Variants in CACNA1H observed in about 807,000 individuals in gnomAD.
The protein encoded by CACNA1H is voltage-dependent T-type calcium channel subunit alpha-1H.
Under a neutral mutation model 192.5 loss-of-function variants are expected in CACNA1H, and 149 were observed. The ratio of observed to expected loss-of-function variants is 0.77; its 90% CI spans 0.68 to 0.89. The LOEUF (loss-of-function observed/expected upper bound fraction) is 0.89, where lower values mean the gene tolerates loss of function less well. Ranked by LOEUF, CACNA1H falls within the 40% of genes least tolerant of loss-of-function variation. The pLI is 0.00. For missense variants in CACNA1H, 4,257 were observed against 3,423.5 expected (o/e 1.24, Z -6.08); for synonymous variants, 2,202 against 1,475.2 (o/e 1.49, Z -11.29).
chr16:1,202,600 C>T (rs1044522387), intron 9 of CACNA1H, 148 bp downstream of exon 9: 7 of 741,666 alleles, frequency 9.4e-6, no homozygotes, highest in African/African-American at 7.2e-5. Context: ...CCTCTGGAGC[C>T]CATAAGAAGG....
intron 25 of CACNA1H, 44 bp from the exon 26 acceptor site, chr16:1,212,467 T>A (rs756486884): frequency 6.3e-7 from 1 of 1,577,484 alleles, no homozygotes; most frequent in East Asian, 2.3e-5. Flanking sequence ...CAGGCCCGAG[T>A]GCGCCACGCC....
At position 1,200,424 on chromosome 16, in the gene CACNA1H, G is replaced by T; in HGVS notation, c.972G>T (p.Gln324His). The T allele has an allele frequency of 1.9e-6, 3 of 1,609,814 alleles. No homozygotes were observed. Among genetic ancestry groups the T allele is most frequent in the Non-Finnish European group, 2.5e-6 (3 of 1,179,276 alleles). ...CCCTGGGCTGGGAGGCCTACACGCAGCCGCAGGCCGAGGGGGTGGGCGCTG... is the reference window on the plus strand; with the variant it reads ...CCCTGGGCTGGGAGGCCTACACGCATCCGCAGGCCGAGGGGGTGGGCGCTG... The part of the protein sequence containing the change: ...PCTLGWEAYT[Q>H]PQAEGVGAAR... The change falls in exon 7 of 35, where the codon CAG becomes CAT. Residue 324 changes from glutamine (Q) to histidine (H), a missense_variant. Transcript: ENST00000348261.
chr16:1,200,562 C>T lies in CACNA1H; in HGVS notation c.1110C>T (p.Ala370=), dbSNP rs1037578858. Residue 370 remains alanine (A), a synonymous_variant, in exon 7 of 35, where the codon GCC becomes GCT. Transcript: ENST00000348261. ...NFDNIGYAWI[A]IFQVITLEGW... ...ACAACATCGGCTACGCCTGGATTGC[C>T]ATCTTCCAGGTGGGCGGCAAGATGG... 23 of 1,611,710 alleles carry T rather than the reference C, an allele frequency of 1.4e-5. No individual in the cohort carries two copies. Among genetic ancestry groups the T allele is most frequent in the Non-Finnish European group, 1.9e-5 (22 of 1,179,638 alleles).
chr16:1,184,622 T>C (rs1011741794), intron 2 of CACNA1H, among the ~76,000 whole-genome samples: 31 of 152,080 alleles, frequency 2.0e-4, no homozygotes, highest in African/African-American at 7.5e-4. Context: ...GGCTGGAGGG[T>C]GCCAGGAGTT....
At chr16:1,170,237 C>T (rs1964227054) in intron 2 of CACNA1H, among the ~76,000 whole-genome samples, 1 of 152,192 alleles carries the variant, frequency 6.6e-6, no homozygotes, top group Non-Finnish European at 1.5e-5. Context: ...CCTGTTCCCA[C>T]TCAGTGCAGA....
At position 1,215,366 on chromosome 16, in the gene CACNA1H, A is replaced by G. The variant is rs1487606695; in HGVS notation, c.5164A>G (p.Ile1722Val). 6.7e-7 allele frequency: 1 copy of G among 1,483,438 alleles called. No individual in the cohort carries two copies. The allele number at this position is 1,483,438 out of a possible 1,614,324, so 91.9% of individuals were successfully genotyped here. Residue 1722 changes from isoleucine to valine, a missense_variant, in exon 29 of 35, where the codon ATT (isoleucine) becomes GTT (valine). Ile to Val is a conservative substitution (Grantham distance 29). Transcript: ENST00000348261. ...CATCCGCATCATGCGCGTGCTTCGC[A>G]TTGCCCGTGGTAGGTGCCCGCGTGC... is the stretch of plus-strand genomic sequence containing the variant. ...TIIRIMRVLR[I>V]ARVLKLLKMA...
intron 30 of CACNA1H, among the ~76,000 whole-genome samples, 180 bp downstream of exon 30, chr16:1,215,773 G>A (rs566900777): frequency 6.6e-6 from 1 of 152,282 alleles, no homozygotes; most frequent in Admixed American, 6.5e-5. Context: ...GGTGGATCCA[G>A]CCGCTGCCCT....
At position 1,220,301 on chromosome 16, in the gene CACNA1H, T is replaced by C; in HGVS notation, c.6369T>C (p.Ser2123=). ...CCGAGCCCCATGGCCCCGAAGCCTC[T>C]CCGGTGGCCGGCGGCGAGCGGGACC... ...PTAEPHGPEA[S]PVAGGERDLR... The change falls in exon 35 of 35, where the codon TCT becomes TCC. Residue 2123 remains serine, a synonymous_variant. Transcript: ENST00000348261. 4 of 1,567,378 alleles carry C rather than the reference T, an allele frequency of 2.6e-6. No homozygotes were observed. The highest frequency in any genetic ancestry group is 3.4e-6 in the Non-Finnish European group (4 of 1,164,126).
chr16:1,192,322 T>G (rs34201093), intron 2 of CACNA1H, among the ~76,000 whole-genome samples: 1 of 152,028 alleles, frequency 6.6e-6, no homozygotes, highest in Non-Finnish European at 1.5e-5. Context: ...GAGGAGTTGC[T>G]AGGCACTGGG....
intron 30 of CACNA1H, among the ~76,000 whole-genome samples, chr16:1,216,432 C>G (rs1207720630): frequency 6.6e-6 from 1 of 151,192 alleles, no homozygotes; most frequent in South Asian, 2.1e-4. Context: ...AATGCTGGGG[C>G]TGGTGGGTGG....
In CACNA1H at chr16:1,206,260, G is replaced by T. The variant is rs776215729; in HGVS notation, c.2760G>T (p.Thr920=). 1.3e-4 allele frequency: 203 copies of T among 1,569,624 alleles called. 1 individual carries two copies. The highest frequency in any genetic ancestry group is 1.7e-4 in the Non-Finnish European group (195 of 1,158,520). Residue 920 remains threonine (T), a synonymous_variant, in exon 12 of 35, where the codon ACG becomes ACT. Transcript: ENST00000348261. ...TGGACAACGTGGCTACCTTCTGCAC[G>T]CTGCTCATGCTCTTCATTTTCATCT... The part of the protein sequence containing the change: ...KTMDNVATFC[T]LLMLFIFIFS...
chr16:1,220,352 T>C lies in CACNA1H; in HGVS notation c.6420T>C (p.Ala2140=), dbSNP rs1423569495. Residue 2140 remains alanine (A), a synonymous_variant, in exon 35 of 35, where the codon GCT becomes GCC. Coordinates refer to ENST00000348261, the MANE Select transcript of CACNA1H (RefSeq NM_021098.3). The part of the protein sequence containing the change: ...RDLRRLYSVD[A]QGFLDKPGRA... ...TGCGCAGGCTCTACAGCGTGGATGC[T>C]CAGGGCTTCCTGGACAAGCCGGGCC... The C allele has an allele frequency of 3.3e-6, 5 of 1,526,904 alleles. No homozygotes were observed. In the African/African-American group the frequency reaches 7.1e-5, roughly 22 times the overall value. 94.6% of individuals were successfully genotyped at this position (1,526,904 alleles called of 1,614,324 possible). A position where few individuals can be genotyped will look rare whatever the true frequency, so the allele number is the denominator to read the frequency against.
At chr16:1,212,657 G>A (rs1405148768) in intron 26 of CACNA1H, 129 bp downstream of exon 26, 4 of 1,126,642 alleles carry the variant, frequency 3.6e-6, no homozygotes, top group Non-Finnish European at 5.1e-6. Context: ...TGGGCGTGTG[G>A]CGTGAGGAGG....
Position 1,220,463 on chromosome 16 carries a change from C to T in CACNA1H, c.6531C>T (p.Pro2177=), listed in dbSNP as rs368284672. 8.3e-5 allele frequency: 128 copies of T among 1,545,398 alleles called. No individual in the cohort carries two copies. In the East Asian group the frequency reaches 1.0e-3, roughly 12 times the overall value. ...EAKAWGPEAE[P]ALGARRKKKM... Reference sequence around the variant, plus strand: ...AGGCCTGGGGCCCTGAGGCCGAGCCCGCTCTGGGTGCGCGCAGAAAGAAGA... The same window carrying T: ...AGGCCTGGGGCCCTGAGGCCGAGCCTGCTCTGGGTGCGCGCAGAAAGAAGA... Residue 2177 remains proline (P), a synonymous_variant, in exon 35 of 35, where the codon CCC becomes CCT. Coordinates refer to ENST00000348261, the MANE Select transcript of CACNA1H (RefSeq NM_021098.3).
At position 1,180,351 on chromosome 16, in the gene CACNA1H, CTG is replaced by C. The variant is rs1349307186; in HGVS notation, c.300-14620_300-14619del. Among the ~76,000 whole-genome samples, 1 of 152,206 alleles carries C rather than the reference CTG, an allele frequency of 6.6e-6. No homozygotes were observed. The highest frequency in any genetic ancestry group is 1.9e-4 in the East Asian group (1 of 5,192). On this transcript the variant is annotated intron_variant, in intron 2 of 34. Transcript: ENST00000348261. The surrounding 1 kb of genome is among the most constrained non-coding windows in gnomAD (Gnocchi z 4.4). ...TGGGCTGGGGAGGACGGTCCCATAG[CTG>C]GGGGCAGAGCAGGGCAGGCTGGGTG...
intron 2 of CACNA1H, among the ~76,000 whole-genome samples, chr16:1,158,472 G>C (rs769653959): frequency 6.6e-6 from 1 of 152,288 alleles, no homozygotes; most frequent in South Asian, 2.1e-4. Context: ...TCTGCCGAGC[G>C]CCTGTCGTAG....
chr16:1,200,917 A>C, intron 8 of CACNA1H, 109 bp downstream of exon 8: 1 of 518,310 alleles, frequency 1.9e-6, no homozygotes, highest in Non-Finnish European at 3.4e-6. Flanking sequence ...TTCCAGCTGA[A>C]GGGAGCACAC....
chr16:1,162,639 T>TTG (rs796638214), intron 2 of CACNA1H, among the ~76,000 whole-genome samples: 2,461 of 93,166 alleles, frequency 0.026, 96 homozygotes, highest in African/African-American at 0.084. Context: ...ACACCTGGAG[T>TTG]GGGGGGGGGG....
intron 6 of CACNA1H, among the ~76,000 whole-genome samples, chr16:1,199,901 C>T (rs1018492855): frequency 2.3e-4 from 35 of 152,094 alleles, no homozygotes; most frequent in African/African-American, 8.0e-4. Context: ...GCCTGGGTTT[C>T]TGGCTCTTGG....
Sources: gnomAD v4.1 joint callset for allele counts (sites outside exome capture counted in the v4.1 genomes callset) on GRCh38, gnomAD v4.1.1 for gene constraint, Gnocchi (gnomAD v3.1) non-coding constraint, MANE v1.5 for transcripts, NCBI Gene and HGNC (gene_info 2026-07-23, HGNC 2026-07-21) for gene names.